BLOC1S5: variants seen among roughly 807,000 people sequenced by gnomAD.
BLOC1S5 encodes biogenesis of lysosomal organelles complex 1 subunit 5, also known as biogenesis of lysosome-related organelles complex 1 subunit 5.
A neutral mutation model predicts 24.3 loss-of-function variants in BLOC1S5; 27 were observed. That is an observed-to-expected ratio of 1.11 (90% CI 0.82 to 1.53). The LOEUF (loss-of-function observed/expected upper bound fraction) is 1.53. Among genes scored for constraint, BLOC1S5 ranks in the 40% most tolerant of loss-of-function variants. BLOC1S5 has a pLI of 0.00. For synonymous variants in BLOC1S5, 84 were observed against 74.5 expected (o/e 1.13, Z -0.66); for missense variants, 239 against 229.4 (o/e 1.04, Z -0.27).
intron 4 of BLOC1S5, among the ~76,000 whole-genome samples, chr6:8,024,514 C>CAAAAAAAA (rs60853006): frequency 1.3e-3 from 84 of 65,686 alleles, no homozygotes; most frequent in Non-Finnish European, 1.9e-3. Context: ...GACTCCATCT[C>CAAAAAAAA]AAAAAAAAAA....
At chr6:8,055,471 A>AT (rs756431620) in intron 2 of BLOC1S5, among the ~76,000 whole-genome samples, 47 of 152,202 alleles carry the variant, frequency 3.1e-4, no homozygotes, top group African/African-American at 1.1e-3. Context: ...TTATAGTTCT[A>AT]TTTTTTGTGT....
intron 2 of BLOC1S5, among the ~76,000 whole-genome samples, chr6:8,051,962 T>A: frequency 6.8e-6 from 1 of 146,102 alleles, no homozygotes; most frequent in East Asian, 2.2e-4. Context: ...TGATAGAACA[T>A]CCATGCCTTT....
intron 1 of BLOC1S5, among the ~76,000 whole-genome samples, chr6:8,063,756 A>G (rs1466440031): frequency 6.6e-6 from 1 of 152,200 alleles, no homozygotes; most frequent in Admixed American, 6.5e-5. Context: ...CCCAGCTCAA[A>G]GCACACAGAA....
intron 3 of BLOC1S5, 70 bp downstream of exon 3, chr6:8,041,069 C>T (rs1162244064): frequency 1.3e-6 from 2 of 1,504,830 alleles, no homozygotes; most frequent in East Asian, 4.6e-5. Flanking sequence ...CCCATAATAC[C>T]CAAGAAAATA....
intron 3 of BLOC1S5, among the ~76,000 whole-genome samples, chr6:8,037,772 A>G (rs1358489157): frequency 6.6e-6 from 1 of 152,212 alleles, no homozygotes; most frequent in Admixed American, 6.5e-5. Flanking sequence ...ACCAGCATAA[A>G]AACACACAGG....
chr6:8,038,980 A>G (rs1021330441), intron 3 of BLOC1S5, among the ~76,000 whole-genome samples: 40 of 152,252 alleles, frequency 2.6e-4, no homozygotes, highest in African/African-American at 9.4e-4. Context: ...TATATCTAAA[A>G]GAAAAGGAGA....
At chr6:8,061,029 T>C (rs1337775228) in intron 2 of BLOC1S5, among the ~76,000 whole-genome samples, 1 of 152,170 alleles carries the variant, frequency 6.6e-6, no homozygotes, top group Admixed American at 6.5e-5. Flanking sequence ...AGTTTTGCCA[T>C]GTTGGCCAGG....
At chr6:8,047,776 G>A (rs531629534) in intron 2 of BLOC1S5, among the ~76,000 whole-genome samples, 1 of 152,150 alleles carries the variant, frequency 6.6e-6, no homozygotes, top group South Asian at 2.1e-4. Flanking sequence ...TCAAATTCAG[G>A]GTTCTGTTTT....
chr6:8,049,130 G>A (rs530451140), intron 2 of BLOC1S5, among the ~76,000 whole-genome samples: 9 of 151,728 alleles, frequency 5.9e-5, no homozygotes, highest in African/African-American at 2.2e-4. Context: ...CAGCACTTTG[G>A]GAGGCCGAGA....
intron 2 of BLOC1S5, among the ~76,000 whole-genome samples, chr6:8,048,012 T>A (rs534877039): frequency 6.6e-6 from 1 of 152,378 alleles, no homozygotes; most frequent in Non-Finnish European, 1.5e-5. Flanking sequence ...TAGTATCCAC[T>A]AAAGGTGATT....
At chr6:8,062,025 T>C (rs1764530901) in intron 2 of BLOC1S5, among the ~76,000 whole-genome samples, 2 of 152,208 alleles carry the variant, frequency 1.3e-5, no homozygotes, top group Non-Finnish European at 1.5e-5. Flanking sequence ...TTTGACTTCG[T>C]TGATAAAGCA....
At chr6:8,045,900 T>C (rs1300103578) in intron 2 of BLOC1S5, among the ~76,000 whole-genome samples, 1 of 152,210 alleles carries the variant, frequency 6.6e-6, no homozygotes, top group Non-Finnish European at 1.5e-5. Flanking sequence ...GAGGAGACTT[T>C]GGACTGTGGA....
At chr6:8,025,162 A>G (rs536395668) in intron 4 of BLOC1S5, among the ~76,000 whole-genome samples, 2 of 152,350 alleles carry the variant, frequency 1.3e-5, no homozygotes, top group Non-Finnish European at 1.5e-5. Flanking sequence ...TTCTTACTTT[A>G]TCCTCTATTA....
chr6:8,033,033 G>A (rs544648590), intron 3 of BLOC1S5, among the ~76,000 whole-genome samples: 5 of 152,222 alleles, frequency 3.3e-5, no homozygotes, highest in East Asian at 1.9e-4. Flanking sequence ...AATCAATATC[G>A]TGAAAATGGC....
At chr6:8,052,809 G>A (rs6917677) in intron 2 of BLOC1S5, among the ~76,000 whole-genome samples, 3,583 of 151,726 alleles carry the variant, frequency 0.024, 142 homozygotes, top group African/African-American at 0.08. Flanking sequence ...GGAGGAGAAC[G>A]GCGTGAGCCC....
chr6:8,015,875 A>C (rs755533757), intron 4 of BLOC1S5, 47 bp from the exon 5 acceptor site: 1 of 1,519,966 alleles, frequency 6.6e-7, no homozygotes, highest in South Asian at 1.2e-5. Context: ...CCAGACAATT[A>C]TTTCATAACG....
At chr6:8,044,656 G>A (rs1289561702) in intron 2 of BLOC1S5, among the ~76,000 whole-genome samples, 1 of 152,226 alleles carries the variant, frequency 6.6e-6, no homozygotes, top group Non-Finnish European at 1.5e-5. Flanking sequence ...GGCTGAGGTG[G>A]TCTCAGATGG....
Position 8,015,657 on chromosome 6 carries a change from T to C in BLOC1S5, c.556A>G (p.Thr186Ala), listed in dbSNP as rs143628313. The part of the protein sequence containing the change: ...EMEKDLAKFS[T>A]F Reference sequence around the variant, plus strand: ...TGTTGTGGTTCAAGTTCTTAAAAGGTTGAAAATTTCGCTAGGTCCTTCTCC... The same window carrying C: ...TGTTGTGGTTCAAGTTCTTAAAAGGCTGAAAATTTCGCTAGGTCCTTCTCC... The change falls in exon 5 of 5, where the codon ACC becomes GCC. Residue 186 changes from threonine (T) to alanine (A), a missense_variant. Physicochemically the swap from Thr to Ala is moderately conservative, Grantham distance 58. Transcript: ENST00000397457. The C allele has an allele frequency of 1.4e-5, 22 of 1,610,252 alleles. No homozygotes were observed. The Admixed American group carries it at 1.9e-4, about 14-fold the overall frequency.
chr6:8,060,054 A>T (rs878928875), intron 2 of BLOC1S5, among the ~76,000 whole-genome samples: 3 of 152,194 alleles, frequency 2.0e-5, no homozygotes, highest in Admixed American at 1.3e-4. Context: ...GACCTGTTAA[A>T]TTTGTGGTAA....
Sources: allele counts gnomAD v4.1 joint callset (sites outside exome capture counted in the v4.1 genomes callset), GRCh38; gene constraint gnomAD v4.1.1; transcripts MANE v1.5; gene names NCBI Gene and HGNC (gene_info 2026-07-23, HGNC 2026-07-21).